ANXA3: variants seen among roughly 807,000 people sequenced by gnomAD.
ANXA3 encodes the protein 35-alpha calcimedin.
ANXA3 carries 46 observed loss-of-function variants against 48.8 expected under a neutral mutation model. That is an observed-to-expected ratio of 0.94 (90% CI 0.74 to 1.21). The LOEUF (loss-of-function observed/expected upper bound fraction) is 1.21. Among genes scored for constraint, ANXA3 ranks in the 50% most tolerant of loss-of-function variants. The pLI is 0.00. For missense variants in ANXA3, 383 were observed against 378.6 expected, an observed-to-expected ratio of 1.01 and a Z score of -0.10; for synonymous variants, 128 against 134.7, an observed-to-expected ratio of 0.95 and a Z score of 0.35.
intron 6 of ANXA3, among the ~76,000 whole-genome samples, chr4:78,589,530 C>T (rs1281985237): frequency 6.6e-6 from 1 of 152,212 alleles, no homozygotes; most frequent in Non-Finnish European, 1.5e-5. Context: ...ACAGTAACTG[C>T]TCCTCTTCCT....
Position 78,579,020 on chromosome 4 carries a change from C to T in ANXA3, c.104-7C>T. The T allele has an allele frequency of 1.3e-6, 2 of 1,591,882 alleles. No homozygotes were observed. Among genetic ancestry groups the T allele is most frequent in the Non-Finnish European group, 1.7e-6 (2 of 1,161,432 alleles). ...ATATTGAGTAAAATAACTTTTGTTTCATTTAGGAACTGATGAGAAAATGCT... is the reference window on the plus strand; with the variant it reads ...ATATTGAGTAAAATAACTTTTGTTTTATTTAGGAACTGATGAGAAAATGCT... On this transcript the variant is annotated splice_region_variant and splice_polypyrimidine_tract_variant and intron_variant, in intron 3 of 12. Coordinates refer to ENST00000264908, the MANE Select transcript of ANXA3 (RefSeq NM_005139.3).
At chr4:78,569,656 G>C (rs1722805371) in intron 2 of ANXA3, among the ~76,000 whole-genome samples, 1 of 152,228 alleles carries the variant, frequency 6.6e-6, no homozygotes, top group South Asian at 2.1e-4. Context: ...CCCTGCAGTT[G>C]TTGGTTCAGG....
intron 12 of ANXA3, 39 bp downstream of exon 12, chr4:78,604,438 C>T: frequency 2.1e-6 from 3 of 1,400,436 alleles, no homozygotes; most frequent in East Asian, 2.3e-5. Context: ...ATATTTTGCC[C>T]TTCTCTACCC....
chr4:78,560,840 C>G (rs113589994), intron 2 of ANXA3, among the ~76,000 whole-genome samples: 3,437 of 152,250 alleles, frequency 0.023, 62 homozygotes, highest in Non-Finnish European at 0.035. Flanking sequence ...TGCCAAGAAC[C>G]AGTGCAAAGA....
intron 4 of ANXA3, 29 bp from the exon 5 acceptor site, chr4:78,582,148 C>T: frequency 6.8e-7 from 1 of 1,469,264 alleles, no homozygotes; most frequent in South Asian, 1.2e-5. Flanking sequence ...AAGTATTTCA[C>T]ATTTTTCCCC....
chr4:78,609,000 C>T (rs946350362), intron 12 of ANXA3, among the ~76,000 whole-genome samples: 4 of 151,976 alleles, frequency 2.6e-5, no homozygotes, highest in South Asian at 4.2e-4. Context: ...TCTGCTATTG[C>T]AGAGCAAGAC....
rs561143901 is a variant in ANXA3, at chr4:78,572,339, T to C, written c.16-841T>C. 2.6e-5 allele frequency among the ~76,000 whole-genome samples: 4 copies of C among 152,294 alleles called. No homozygotes were observed. In the South Asian group the frequency reaches 8.3e-4, roughly 32 times the overall value. ...CATCACTTCAACTGTAACTGCCAGATGGGTTCTTCCTGCTCACTGTGCAGA... is the reference window on the plus strand; with the variant it reads ...CATCACTTCAACTGTAACTGCCAGACGGGTTCTTCCTGCTCACTGTGCAGA... On this transcript the variant is annotated intron_variant, in intron 2 of 12. Transcript: ENST00000264908.
rs753441438 is a variant in ANXA3, at chr4:78,582,297, G to GC, written c.312+13dup. Reference sequence around the variant, plus strand: ...GCTAAAGAAATCCATGAAGGTATGAGCCCCCCACAAGCCATTTCTGCCCAG... The same window carrying GC: ...GCTAAAGAAATCCATGAAGGTATGAGCCCCCCCACAAGCCATTTCTGCCCAG... On this transcript the variant is annotated splice_region_variant and intron_variant, in intron 5 of 12. Coordinates refer to ENST00000264908, the MANE Select transcript of ANXA3 (RefSeq NM_005139.3). 8 of 1,586,432 alleles carry GC rather than the reference G, an allele frequency of 5.0e-6. No individual in the cohort carries two copies. Among genetic ancestry groups the GC allele is most frequent in the Non-Finnish European group, 6.9e-6 (8 of 1,155,670 alleles).
chr4:78,582,541 A>G, intron 5 of ANXA3: 1 of 415,694 alleles, frequency 2.4e-6, no homozygotes, highest in Non-Finnish European at 4.3e-6. Context: ...GTCATCGTTG[A>G]AAGTAAATAG....
intron 9 of ANXA3, 22 bp downstream of exon 9, chr4:78,595,909 C>T: frequency 7.0e-7 from 1 of 1,429,814 alleles, no homozygotes; most frequent in Non-Finnish European, 9.8e-7. Context: ...CATTACAATC[C>T]TTTGTGTTGT....
rs1451004846 is a variant in ANXA3 at position 78,597,315 on chromosome 4, T to C, written c.635-4T>C. 2.5e-5 allele frequency: 40 copies of C among 1,589,368 alleles called. No homozygotes were observed. Among genetic ancestry groups the C allele is most frequent in the Non-Finnish European group, 3.3e-5 (38 of 1,161,126 alleles). On this transcript the variant is annotated splice_region_variant and splice_polypyrimidine_tract_variant and intron_variant, in intron 9 of 12. Transcript: ENST00000264908. ...TTAAATAATTTTGTGGTGCTTCTTT[T>C]TAGCATTTGATGAATACAGAAATAT...
At chr4:78,554,384 T>G in intron 1 of ANXA3, 52 bp from the exon 2 acceptor site, 1 of 1,234,558 alleles carries the variant, frequency 8.1e-7, no homozygotes. Flanking sequence ...CTAAGATTAT[T>G]GTGTTCTGAA....
intron 1 of ANXA3, 67 bp from the exon 2 acceptor site, chr4:78,554,369 T>A: frequency 9.0e-7 from 1 of 1,114,246 alleles, no homozygotes; most frequent in Admixed American, 1.7e-5. Context: ...AGATTAAGGG[T>A]TGGACTAAGA....
At chr4:78,568,289 A>G (rs1578392869) in intron 2 of ANXA3, among the ~76,000 whole-genome samples, 4 of 152,350 alleles carry the variant, frequency 2.6e-5, no homozygotes, top group Admixed American at 2.6e-4. Context: ...AGTCTTAACA[A>G]TTTCCAAGTT....
rs143704566 is a variant in ANXA3 at position 78,601,545 on chromosome 4, G to A, written c.766G>A (p.Glu256Lys). The A allele has an allele frequency of 5.9e-5, 96 of 1,613,946 alleles. No homozygotes were observed. The highest frequency in any genetic ancestry group is 2.0e-4 in the East Asian group (9 of 44,862). The change falls in exon 11 of 13, where the codon GAA becomes AAA. Residue 256 changes from glutamate (E) to lysine (K), a missense_variant. Physicochemically the swap from Glu to Lys is moderately conservative, Grantham distance 56 (BLOSUM62 1). Coordinates refer to ENST00000264908, the MANE Select transcript of ANXA3 (RefSeq NM_005139.3). ...CVRNTPAFLA[E>K]RLHRALKGIG... ...GAGGAACACGCCGGCCTTTTTAGCC[G>A]AAAGACTGCATCGAGCCTTGAAGGT... is the stretch of plus-strand genomic sequence containing the variant.
At chr4:78,554,604 T>A (rs916647043) in intron 2 of ANXA3, 116 bp downstream of exon 2, 6 of 855,450 alleles carry the variant, frequency 7.0e-6, no homozygotes, top group African/African-American at 5.0e-5. Flanking sequence ...CTGGCAAAAT[T>A]AACATGCTAG....
intron 12 of ANXA3, among the ~76,000 whole-genome samples, chr4:78,607,404 T>G (rs907179818): frequency 2.6e-5 from 4 of 152,180 alleles, no homozygotes; most frequent in Non-Finnish European, 5.9e-5. Context: ...TGTTTAGACA[T>G]TTCTTTGTCC....
chr4:78,597,231 A>G, intron 9 of ANXA3, 88 bp from the exon 10 acceptor site: 8 of 812,698 alleles, frequency 9.8e-6, no homozygotes, highest in Non-Finnish European at 1.6e-5. Flanking sequence ...TTGCTACTTG[A>G]TCTTCTGCAT....
At chr4:78,577,994 A>G (rs1289420622) in intron 3 of ANXA3, among the ~76,000 whole-genome samples, 1 of 151,922 alleles carries the variant, frequency 6.6e-6, no homozygotes, top group Non-Finnish European at 1.5e-5. Flanking sequence ...AATTTATGAG[A>G]GAGGCCGGGT....
Sources: allele counts gnomAD v4.1 joint callset (sites outside exome capture counted in the v4.1 genomes callset), GRCh38; gene constraint gnomAD v4.1.1; transcripts MANE v1.5; gene names NCBI Gene and HGNC (gene_info 2026-07-23, HGNC 2026-07-21).